ARK2C: variants seen among roughly 807,000 people sequenced by gnomAD.
The protein encoded by ARK2C is arkadia (RNF111) C-terminal like ring finger ubiquitin ligase 2C.
At chr18:46,406,998 T>C in the ARK2C span, among the ~76,000 whole-genome samples, 1 of 152,218 alleles carries the variant, frequency 6.6e-6, no homozygotes, top group Non-Finnish European at 1.5e-5. Flanking sequence ...AAAATGACTA[T>C]TTATGGTGCT....
At chr18:46,383,454 A>G in the ARK2C span, among the ~76,000 whole-genome samples, 5,579 of 152,274 alleles carry the variant, frequency 0.037, 193 homozygotes, top group African/African-American at 0.096. Flanking sequence ...AATTAGACAC[A>G]AGACTAGTTA....
chr18:46,356,042 C>T, the ARK2C span, among the ~76,000 whole-genome samples: 5 of 152,164 alleles, frequency 3.3e-5, no homozygotes, highest in South Asian at 2.1e-4. Flanking sequence ...TCGGCCAGGA[C>T]GAACTTGGCT....
chr18:46,439,710 A>G, the ARK2C span, among the ~76,000 whole-genome samples: 2,718 of 152,358 alleles, frequency 0.018, 36 homozygotes, highest in Non-Finnish European at 0.03. Flanking sequence ...TTATTAAAAA[A>G]AACCCTTTTT....
At chr18:46,338,380 A>C in the ARK2C span, among the ~76,000 whole-genome samples, 1 of 152,202 alleles carries the variant, frequency 6.6e-6, no homozygotes, top group Non-Finnish European at 1.5e-5. Context: ...CTGTTACTGT[A>C]GGAATAAGAG....
At chr18:46,422,484 G>A in the ARK2C span, among the ~76,000 whole-genome samples, 9 of 152,238 alleles carry the variant, frequency 5.9e-5, no homozygotes, top group African/African-American at 2.2e-4. Context: ...AGAACGTGAA[G>A]TCTGTCTTTG....
the ARK2C span, among the ~76,000 whole-genome samples, chr18:46,402,796 T>C: frequency 5.9e-5 from 9 of 152,222 alleles, no homozygotes; most frequent in African/African-American, 2.2e-4. Context: ...CCACCACGCC[T>C]GGCCCCATTC....
chr18:46,385,953 C>A, the ARK2C span: 1 of 152,254 alleles, frequency 6.6e-6, no homozygotes, highest in South Asian at 2.1e-4. Context: ...GACCTCATGG[C>A]GGTGTGTGGT....
chr18:46,360,289 G>A, the ARK2C span, among the ~76,000 whole-genome samples: 4 of 152,296 alleles, frequency 2.6e-5, no homozygotes, highest in Admixed American at 6.5e-5. Context: ...GCACAGAGGC[G>A]GGGTATCATG....
At chr18:46,339,587 C>G in the ARK2C span, among the ~76,000 whole-genome samples, 45 of 152,296 alleles carry the variant, frequency 3.0e-4, no homozygotes, top group African/African-American at 9.9e-4. Flanking sequence ...GTTTTAGCAC[C>G]TTGACTTCAG....
At chr18:46,351,812 G>A in the ARK2C span, among the ~76,000 whole-genome samples, 13 of 152,180 alleles carry the variant, frequency 8.5e-5, no homozygotes, top group Admixed American at 2.0e-4. Flanking sequence ...CACCGTGGCG[G>A]CAGGGCCTGG....
At chr18:46,456,642 G>T in the ARK2C span, 4 of 1,591,324 alleles carry the variant, frequency 2.5e-6, no homozygotes, top group South Asian at 2.2e-5. Flanking sequence ...GCTGAGGGAG[G>T]AATTAGCCAG....
chr18:46,439,863 G>A, the ARK2C span, among the ~76,000 whole-genome samples: 1 of 152,100 alleles, frequency 6.6e-6, no homozygotes, highest in Non-Finnish European at 1.5e-5. Context: ...ACGGAGTCTC[G>A]CTCTGTCGCC....
the ARK2C span, chr18:46,456,581 A>G: frequency 1.2e-6 from 2 of 1,614,056 alleles, no homozygotes; most frequent in Admixed American, 1.7e-5. Context: ...GCCATGAGCA[A>G]GAAATGCCCC....
the ARK2C span, among the ~76,000 whole-genome samples, chr18:46,361,468 A>T: frequency 2.0e-5 from 3 of 152,196 alleles, no homozygotes; most frequent in Admixed American, 2.0e-4. Flanking sequence ...CCAGTGTCCA[A>T]AAAAAGGCAG....
chr18:46,451,485 A>T, the ARK2C span, among the ~76,000 whole-genome samples: 1 of 152,330 alleles, frequency 6.6e-6, no homozygotes. Context: ...AGATAATGGA[A>T]TATTATTCTG....
the ARK2C span, among the ~76,000 whole-genome samples, chr18:46,445,935 A>T: frequency 4.6e-5 from 7 of 151,742 alleles, no homozygotes; most frequent in Non-Finnish European, 8.8e-5. Flanking sequence ...TTTGTTGAAG[A>T]ATCCAGGCTG....
chr18:46,344,723 A>G, the ARK2C span, among the ~76,000 whole-genome samples: 1 of 152,204 alleles, frequency 6.6e-6, no homozygotes, highest in African/African-American at 2.4e-5. Flanking sequence ...ACCAGACCTG[A>G]AAAGTCAGAT....
At chr18:46,349,314 T>C in the ARK2C span, among the ~76,000 whole-genome samples, 1 of 152,166 alleles carries the variant, frequency 6.6e-6, no homozygotes, top group African/African-American at 2.4e-5. Context: ...GTCCACTTCC[T>C]AGATGGCTGT....
chr18:46,402,768 T>C, the ARK2C span, among the ~76,000 whole-genome samples: 1 of 152,236 alleles, frequency 6.6e-6, no homozygotes, highest in Non-Finnish European at 1.5e-5. Context: ...CCCAAAGTAC[T>C]GGGATTGCAG....
Sources: gnomAD v4.1 joint callset for allele counts (sites outside exome capture counted in the v4.1 genomes callset) on GRCh38, gnomAD v4.1.1 for gene constraint, MANE v1.5 for transcripts, NCBI Gene and HGNC (gene_info 2026-07-23, HGNC 2026-07-21) for gene names.